The following HERPUD2 variants were observed in gnomAD, a reference collection of about 807,000 sequenced individuals.
HERPUD2 encodes homocysteine-responsive endoplasmic reticulum-resident ubiquitin-like domain member 2 protein.
Under a neutral mutation model 49.9 loss-of-function variants are expected in HERPUD2, and 13 were observed. That is an observed-to-expected ratio of 0.26 (90% CI 0.17 to 0.41). The LOEUF (loss-of-function observed/expected upper bound fraction) is 0.41. Ranked by LOEUF, HERPUD2 falls within the 10% of genes least tolerant of loss-of-function variation. The probability of loss-of-function intolerance (pLI) is 1.00; values close to 1 mark genes in which losing one functional copy is unlikely to be tolerated. For synonymous variants in HERPUD2, 172 were observed against 171.4 expected, an observed-to-expected ratio of 1.00 and a Z score of -0.03; for missense variants, 449 against 492.2, an observed-to-expected ratio of 0.91 and a Z score of 0.83.
chr7:35,692,310 T>A (rs1583576411), intron 2 of HERPUD2, among the ~76,000 whole-genome samples: 1 of 21,664 alleles, frequency 4.6e-5, no homozygotes, highest in East Asian at 2.6e-3. Context: ...TCTCAGGTAC[T>A]TTTTTTTAAA....
In HERPUD2 at chr7:35,694,220, T is replaced by C; in HGVS notation, c.111A>G (p.Leu37=). Residue 37 remains leucine (L), a synonymous_variant, in exon 2 of 9, where the codon CTA becomes CTG. Coordinates refer to ENST00000311350, the MANE Select transcript of HERPUD2 (RefSeq NM_022373.5). ...SCFLNWTVGK[L]KTHLSNVYPS... is the part of the protein sequence containing the mutation. Reference sequence around the variant, plus strand: ...GGTAAACGTTAGATAGATGCGTTTTTAGTTTCCCCACGGTCCAGTTCAAGA... The same window carrying C: ...GGTAAACGTTAGATAGATGCGTTTTCAGTTTCCCCACGGTCCAGTTCAAGA... The C allele has an allele frequency of 6.2e-7, 1 of 1,614,126 alleles. No individual in the cohort carries two copies. Among genetic ancestry groups the C allele is most frequent in the South Asian group, 1.1e-5 (1 of 91,078 alleles).
chr7:35,656,038 T>A (rs1290668763), intron 5 of HERPUD2, among the ~76,000 whole-genome samples: 1 of 152,136 alleles, frequency 6.6e-6, no homozygotes, highest in Non-Finnish European at 1.5e-5. Flanking sequence ...GGCAGACACC[T>A]GTAATCCCAC....
In HERPUD2 at chr7:35,633,564, TA is replaced by T; in HGVS notation, c.*125del. 1 of 659,544 alleles carries T rather than the reference TA, an allele frequency of 1.5e-6. No individual in the cohort carries two copies. Among genetic ancestry groups the T allele is most frequent in the Non-Finnish European group, 2.4e-6 (1 of 413,910 alleles). The allele number at this position is 659,544 out of a possible 1,614,324, so 40.9% of individuals were successfully genotyped here. On this transcript the variant is annotated 3_prime_UTR_variant, in exon 9 of 9. Coordinates refer to ENST00000311350, the MANE Select transcript of HERPUD2 (RefSeq NM_022373.5). The stretch of plus-strand genomic sequence containing the variant: ...AAAATATTCATATGCATGAGAAGCC[TA>T]AAGAAAAAAAACACCTCTGTACATG...
rs753904105 is a variant in HERPUD2, at chr7:35,679,222, CAGA to C, written c.148-5947_148-5945del. Among the ~76,000 whole-genome samples, 23 of 152,272 alleles carry C rather than the reference CAGA, an allele frequency of 1.5e-4. No homozygotes were observed. In the Middle Eastern group the frequency reaches 0.014, roughly 90 times the overall value. On this transcript the variant is annotated intron_variant, in intron 2 of 8. Coordinates refer to ENST00000311350, the MANE Select transcript of HERPUD2 (RefSeq NM_022373.5). ...TTAATTTTTTATCCAGAAAAAAACTCAGAAGATTTTGAGAATTCCTAGTCCCAG... is the reference window on the plus strand; with the variant it reads ...TTAATTTTTTATCCAGAAAAAAACTCAGATTTTGAGAATTCCTAGTCCCAG...
chr7:35,675,966 C>T (rs557943731), intron 2 of HERPUD2, among the ~76,000 whole-genome samples: 3 of 152,242 alleles, frequency 2.0e-5, no homozygotes, highest in East Asian at 1.9e-4. Flanking sequence ...AGCAATATTA[C>T]ACATCATTTC....
chr7:35,662,882 T>C (rs142942813), intron 5 of HERPUD2, among the ~76,000 whole-genome samples: 3,962 of 152,314 alleles, frequency 0.026, 152 homozygotes, highest in African/African-American at 0.088. Context: ...AGTTCTGCTC[T>C]GATCTTAGTT....
Position 35,694,245 on chromosome 7 carries a change from A to C in HERPUD2, c.86T>G (p.Phe29Cys). The C allele has an allele frequency of 3.1e-6, 5 of 1,614,120 alleles. No individual in the cohort carries two copies. Among genetic ancestry groups the C allele is most frequent in the South Asian group, 1.1e-5 (1 of 91,080 alleles). Residue 29 changes from phenylalanine (F) to cysteine (C), a missense_variant, in exon 2 of 9, where the codon TTC (phenylalanine) becomes TGC (cysteine). Coordinates refer to ENST00000311350, the MANE Select transcript of HERPUD2 (RefSeq NM_022373.5). ...QKYSDQTISC[F>C]LNWTVGKLKT... Reference sequence around the variant, plus strand: ...TAGTTTCCCCACGGTCCAGTTCAAGAAGCAGCTAATAGTCTGGTCACTGTA... The same window carrying C: ...TAGTTTCCCCACGGTCCAGTTCAAGCAGCAGCTAATAGTCTGGTCACTGTA...
intron 2 of HERPUD2, among the ~76,000 whole-genome samples, chr7:35,675,127 T>A (rs1034117970): frequency 6.6e-6 from 1 of 152,096 alleles, no homozygotes; most frequent in Non-Finnish European, 1.5e-5. Flanking sequence ...GTGGAATCTA[T>A]CCCCAGGTAG....
rs551282070 is a variant in HERPUD2 at position 35,661,637 on chromosome 7, T to C, written c.494+5797A>G. 3.4e-4 allele frequency among the ~76,000 whole-genome samples: 51 copies of C among 152,210 alleles called. 1 individual carries two copies. The highest frequency in any genetic ancestry group is 5.9e-4 in the Admixed American group (9 of 15,286). On this transcript the variant is annotated intron_variant, in intron 5 of 8. Coordinates refer to ENST00000311350, the MANE Select transcript of HERPUD2 (RefSeq NM_022373.5). Reference sequence around the variant, plus strand: ...AGGTATTTTATTCTCTTTGAAGCAATTGTGAATGGGAGTTCACTCATGATT... The same window carrying C: ...AGGTATTTTATTCTCTTTGAAGCAACTGTGAATGGGAGTTCACTCATGATT...
chr7:35,635,484 T>C (rs756829494), intron 6 of HERPUD2, 26 bp from the exon 7 acceptor site: 5 of 1,557,264 alleles, frequency 3.2e-6, no homozygotes, highest in Non-Finnish European at 4.3e-6. Flanking sequence ...AAATAAATAT[T>C]AAAAAGAAAA....
chr7:35,683,587 A>G (rs1266242310), intron 2 of HERPUD2, among the ~76,000 whole-genome samples: 1 of 152,260 alleles, frequency 6.6e-6, no homozygotes, highest in Non-Finnish European at 1.5e-5. Flanking sequence ...TAATTAAACT[A>G]AAGAACTTCT....
chr7:35,691,873 C>T (rs997225084), intron 2 of HERPUD2, among the ~76,000 whole-genome samples: 1 of 152,150 alleles, frequency 6.6e-6, no homozygotes, highest in African/African-American at 2.4e-5. Flanking sequence ...TGCTTCAAAT[C>T]AATTCTCACG....
chr7:35,680,456 A>G (rs1785856737), intron 2 of HERPUD2, among the ~76,000 whole-genome samples: 1 of 152,104 alleles, frequency 6.6e-6, no homozygotes, highest in Admixed American at 6.6e-5. Flanking sequence ...ACAAACTTAG[A>G]TCAATCCTGT....
intron 2 of HERPUD2, among the ~76,000 whole-genome samples, chr7:35,691,620 A>G (rs921378854): frequency 1.3e-5 from 2 of 152,246 alleles, no homozygotes; most frequent in African/African-American, 4.8e-5. Context: ...ATGTGCAAGG[A>G]AGATGCACAA....
intron 5 of HERPUD2, among the ~76,000 whole-genome samples, chr7:35,656,735 A>G (rs1380138241): frequency 1.1e-4 from 16 of 152,258 alleles, no homozygotes; most frequent in Middle Eastern, 3.4e-3. Flanking sequence ...GATTTTCAAC[A>G]AAGGTGTCAA....
chr7:35,675,939 T>A (rs1206960977), intron 2 of HERPUD2, among the ~76,000 whole-genome samples: 1 of 152,150 alleles, frequency 6.6e-6, no homozygotes, highest in Non-Finnish European at 1.5e-5. Flanking sequence ...TGTACCCAGC[T>A]GAGTACTGTA....
At chr7:35,649,277 T>A (rs1202720555) in intron 5 of HERPUD2, among the ~76,000 whole-genome samples, 1 of 151,654 alleles carries the variant, frequency 6.6e-6, no homozygotes, top group Non-Finnish European at 1.5e-5. Flanking sequence ...AAGTTGTGGA[T>A]TTATATTTGA....
intron 5 of HERPUD2, among the ~76,000 whole-genome samples, chr7:35,655,114 A>G (rs1785248039): frequency 6.6e-6 from 1 of 152,122 alleles, no homozygotes; most frequent in Non-Finnish European, 1.5e-5. Context: ...CAGCCTCCCA[A>G]TGTGCTGGGA....
intron 2 of HERPUD2, among the ~76,000 whole-genome samples, chr7:35,690,634 A>T (rs746659406): frequency 1.9e-4 from 29 of 152,158 alleles, no homozygotes; most frequent in Non-Finnish European, 3.5e-4. Flanking sequence ...ACATGGTAAA[A>T]CCCCATCTCT....
Sources: gnomAD v4.1 joint callset for allele counts (sites outside exome capture counted in the v4.1 genomes callset) on GRCh38, gnomAD v4.1.1 for gene constraint, MANE v1.5 for transcripts, NCBI Gene and HGNC (gene_info 2026-07-23, HGNC 2026-07-21) for gene names.